ABI3BP: variants seen among roughly 807,000 people sequenced by gnomAD.
The protein encoded by ABI3BP is ABI family member 3 binding protein, also known as target of Nesh-SH3.
ABI3BP carries 216 observed loss-of-function variants against 268.6 expected under a neutral mutation model. That is an observed-to-expected ratio of 0.80 (90% CI 0.72 to 0.90). The LOEUF is 0.90. ABI3BP is among the 40% of genes least tolerant of loss of function. The pLI, the probability that ABI3BP is intolerant of heterozygous loss-of-function variation, is 0.00. For synonymous variants in ABI3BP, 730 were observed against 730.0 expected (o/e 1.00, Z 0.00); for missense variants, 2,090 against 2,182.4 (o/e 0.96, Z 0.84).
intron 66 of ABI3BP, 34 bp from the exon 67 acceptor site, chr3:100,751,708 C>T (rs2095335613): frequency 1.3e-6 from 2 of 1,541,530 alleles, no homozygotes; most frequent in Non-Finnish European, 8.8e-7. Flanking sequence ...ATAAAGTTTA[C>T]TTTCTTACTT....
chr3:100,890,317 T>A (rs1186540661), intron 4 of ABI3BP, among the ~76,000 whole-genome samples: 1 of 152,200 alleles, frequency 6.6e-6, no homozygotes, highest in Non-Finnish European at 1.5e-5. Context: ...CTTGCTTTAC[T>A]GAGACTGTAA....
chr3:100,916,862 G>A (rs960259725), intron 2 of ABI3BP, among the ~76,000 whole-genome samples: 2 of 152,162 alleles, frequency 1.3e-5, no homozygotes, highest in Non-Finnish European at 2.9e-5. Context: ...AACATCTGGG[G>A]ACCATGCTAA....
intron 63 of ABI3BP, among the ~76,000 whole-genome samples, chr3:100,761,476 C>T (rs371718078): frequency 6.6e-6 from 1 of 152,130 alleles, no homozygotes; most frequent in Non-Finnish European, 1.5e-5. Context: ...CCATGTGGCT[C>T]TCTATTGACA....
At chr3:100,847,540 G>A in intron 19 of ABI3BP, 62 bp downstream of exon 19, 1 of 1,365,080 alleles carries the variant, frequency 7.3e-7, no homozygotes, top group Non-Finnish European at 1.0e-6. Flanking sequence ...ATAAAAGCTG[G>A]GGTACTGGAT....
intron 1 of ABI3BP, among the ~76,000 whole-genome samples, chr3:100,978,048 T>C (rs1403459300): frequency 3.3e-5 from 5 of 152,174 alleles, no homozygotes; most frequent in African/African-American, 1.2e-4. Flanking sequence ...AGAAGCTCAA[T>C]ATCCAAAGAC....
At chr3:100,976,615 G>C (rs1356946310) in intron 1 of ABI3BP, among the ~76,000 whole-genome samples, 1 of 152,118 alleles carries the variant, frequency 6.6e-6, no homozygotes, top group Non-Finnish European at 1.5e-5. Flanking sequence ...TTTAATAAGA[G>C]ATGAGAAATT....
chr3:100,816,170 T>A, intron 43 of ABI3BP, 199 bp from the exon 44 acceptor site: 1 of 533,330 alleles, frequency 1.9e-6, no homozygotes, highest in African/African-American at 1.9e-5. Flanking sequence ...GTTACAACCT[T>A]TGAACTCTGT....
rs1410406766 is a variant in ABI3BP, at chr3:100,820,279, C to T, written c.2972G>A (p.Arg991His). ...TQAPKTSQRT[R>H]RPRPKTKTTP... ...GGTTTTAGTTTTGGGACGTGGACGA[C>T]GAGTTCGTTGTGATGTTTTAGGAGC... Residue 991 changes from arginine to histidine, a missense_variant, in exon 40 of 68, where the codon CGT becomes CAT. Physicochemically the swap from Arg to His is conservative, Grantham distance 29. Transcript: ENST00000471714. 32 of 1,535,808 alleles carry T rather than the reference C, an allele frequency of 2.1e-5. No individual in the cohort carries two copies. The highest frequency in any genetic ancestry group is 7.3e-5 in the East Asian group (3 of 40,906).
chr3:100,953,255 G>A (rs373365018), intron 1 of ABI3BP, among the ~76,000 whole-genome samples: 3 of 151,992 alleles, frequency 2.0e-5, no homozygotes, highest in East Asian at 1.9e-4. Flanking sequence ...CACTATTTCC[G>A]GGTTAATCAC....
chr3:100,752,920 T>G lies in ABI3BP; in HGVS notation c.4989A>C (p.Arg1663Ser). The change falls in exon 66 of 68, where the codon AGA becomes AGC. Residue 1663 changes from arginine (R) to serine (S), a missense_variant. Physicochemically the swap from Arg to Ser is moderately radical, Grantham distance 110. Coordinates refer to ENST00000471714, the MANE Select transcript of ABI3BP (RefSeq NM_001375547.2). ...SAGRDAIWTE[R>S]PFNSDSYSEC... is the part of the protein sequence containing the mutation. ...CTGAGTAAGAGTCTGAATTAAAGGG[T>G]CTTTCAGTCCAGATGGCATCTCTTC... 2 of 1,613,216 alleles carry G rather than the reference T, an allele frequency of 1.2e-6. No homozygotes were observed. The highest frequency in any genetic ancestry group is 1.3e-5 in the African/African-American group (1 of 74,998).
At chr3:100,800,841 A>C (rs2097515461) in intron 51 of ABI3BP, among the ~76,000 whole-genome samples, 1 of 152,242 alleles carries the variant, frequency 6.6e-6, no homozygotes, top group African/African-American at 2.4e-5. Context: ...CTACTTGCCT[A>C]TTAAAATCTA....
chr3:100,761,081 A>G (rs1039079061), intron 63 of ABI3BP, among the ~76,000 whole-genome samples: 6 of 151,968 alleles, frequency 3.9e-5, no homozygotes, highest in Admixed American at 2.0e-4. Context: ...CTTTATGTCC[A>G]TGTGTTCTCC....
At chr3:100,920,964 G>A (rs776184125) in intron 2 of ABI3BP, among the ~76,000 whole-genome samples, 8 of 152,220 alleles carry the variant, frequency 5.3e-5, no homozygotes, top group Admixed American at 6.5e-5. Flanking sequence ...ACAGATTTTA[G>A]CATCCTTGTC....
intron 53 of ABI3BP, among the ~76,000 whole-genome samples, chr3:100,795,412 G>C (rs17217824): frequency 0.14 from 21,031 of 151,866 alleles, 1,890 homozygotes; most frequent in South Asian, 0.27. Flanking sequence ...AAATCACTGG[G>C]AATTTTCAGT....
In ABI3BP at chr3:100,753,847, C is replaced by A; in HGVS notation, c.4932G>T (p.Ala1644=). The part of the protein sequence containing the change: ...SNTVAFSTES[A]DPRVSEPVSA... ...AAACTGGCTCACTCACTCTTGGGTC[C>A]GCTGAGGAGAAATAAATAGAAAAGT... Residue 1644 remains alanine (A), a splice_region_variant and synonymous_variant, in exon 65 of 68, where the codon GCG becomes GCT. Transcript: ENST00000471714. The A allele has an allele frequency of 6.2e-7, 1 of 1,609,468 alleles. No homozygotes were observed. Among genetic ancestry groups the A allele is most frequent in the Non-Finnish European group, 8.5e-7 (1 of 1,178,004 alleles).
chr3:100,767,597 T>TAA (rs113385914), intron 62 of ABI3BP, among the ~76,000 whole-genome samples: 3 of 133,328 alleles, frequency 2.3e-5, no homozygotes. Context: ...TAAAATTGAT[T>TAA]AAAAAAAAAA....
intron 55 of ABI3BP, among the ~76,000 whole-genome samples, chr3:100,791,009 A>C (rs2152051665): frequency 6.6e-6 from 1 of 152,056 alleles, no homozygotes; most frequent in Admixed American, 6.6e-5. Context: ...AAAAGAGCTT[A>C]AATATAATTT....
chr3:100,985,190 C>T (rs138063976), intron 1 of ABI3BP, among the ~76,000 whole-genome samples: 212 of 140,352 alleles, frequency 1.5e-3, no homozygotes, highest in African/African-American at 5.3e-3. Context: ...TGCTCTGTCG[C>T]CCAGGCTGGA....
intron 14 of ABI3BP, among the ~76,000 whole-genome samples, chr3:100,856,699 T>G (rs4928090): frequency 6.6e-6 from 1 of 152,016 alleles, no homozygotes; most frequent in Non-Finnish European, 1.5e-5. Flanking sequence ...CTTTTAAGGT[T>G]ACAATTAAGT....
Sources: gnomAD v4.1 joint callset for allele counts (sites outside exome capture counted in the v4.1 genomes callset) on GRCh38, gnomAD v4.1.1 for gene constraint, MANE v1.5 for transcripts, NCBI Gene and HGNC (gene_info 2026-07-23, HGNC 2026-07-21) for gene names.